Variants in TWIST2 observed in about 807,000 individuals in gnomAD.
TWIST2 encodes twist-related protein 2.
TWIST2 carries 1 observed loss-of-function variant against 11.6 expected under a neutral mutation model. The observed-to-expected ratio is 0.09, with a 90% CI of 0.03 to 0.41. TWIST2 has a LOEUF of 0.41. Among genes scored for constraint, TWIST2 ranks in the 10% least tolerant of loss-of-function variants. TWIST2 has a pLI of 0.98. For synonymous variants in TWIST2, 87 were observed against 96.6 expected (o/e 0.90, Z 0.58); for missense variants, 168 against 226.4 (o/e 0.74, Z 1.66).
At chr2:238,849,394 C>T (rs1044304896) in intron 1 of TWIST2, among the ~76,000 whole-genome samples, 1 of 152,160 alleles carries the variant, frequency 6.6e-6, no homozygotes, top group Non-Finnish European at 1.5e-5. Flanking sequence ...GCCACAGGGC[C>T]GGGTGTGCCC....
intron 1 of TWIST2, among the ~76,000 whole-genome samples, chr2:238,896,749 G>A (rs1045676122): frequency 2.2e-4 from 33 of 152,158 alleles, no homozygotes; most frequent in Non-Finnish European, 3.7e-4. Context: ...GGGGCCAGCC[G>A]CTGCCACACA....
chr2:238,890,696 G>A (rs1036438988), intron 1 of TWIST2, among the ~76,000 whole-genome samples: 3 of 152,266 alleles, frequency 2.0e-5, no homozygotes, highest in South Asian at 2.1e-4. Flanking sequence ...CAGGAATGCC[G>A]AATTTTTAAA....
At chr2:238,871,171 A>AC (rs1472052848) in intron 1 of TWIST2, among the ~76,000 whole-genome samples, 9 of 25,310 alleles carry the variant, frequency 3.6e-4, no homozygotes, top group African/African-American at 5.1e-4. Context: ...CCCCACACAC[A>AC]CACCACACAC....
At chr2:238,904,604 G>T (rs1035948707) in intron 1 of TWIST2, among the ~76,000 whole-genome samples, 9,026 of 152,064 alleles carry the variant, frequency 0.059, 393 homozygotes, top group East Asian at 0.16. Context: ...CCCTTTCTGT[G>T]GTAGAGTCTA....
chr2:238,870,531 A>G lies in TWIST2; in HGVS notation c.*35+21798A>G, dbSNP rs1478973554. Among the ~76,000 whole-genome samples, 3 of 95,484 alleles carry G rather than the reference A, an allele frequency of 3.1e-5. No individual in the cohort carries two copies. The South Asian group carries it at 1.1e-3, about 36-fold the overall frequency. The allele number at this position is 95,484 out of a possible 152,430, so 62.6% of individuals were successfully genotyped here. ...ATCACATACCACACACAAACCACAC[A>G]CCCTACATACCCCACACACCCCACA... On this transcript the variant is annotated intron_variant, in intron 1 of 1. Transcript: ENST00000612363.
chr2:238,853,660 T>G (rs1456688148), intron 1 of TWIST2, among the ~76,000 whole-genome samples: 1 of 152,230 alleles, frequency 6.6e-6, no homozygotes, highest in Non-Finnish European at 1.5e-5. Context: ...TTTAAGCTCT[T>G]GTAAACTGAG....
chr2:238,858,896 C>T (rs1692377750), intron 1 of TWIST2, among the ~76,000 whole-genome samples: 1 of 152,168 alleles, frequency 6.6e-6, no homozygotes, highest in Admixed American at 6.5e-5. Flanking sequence ...CCCATTCGTA[C>T]AATGGAATGT....
rs368858471 is a variant in TWIST2, at chr2:238,862,969, TG to T, written c.*35+14238del. 4.4e-4 allele frequency among the ~76,000 whole-genome samples: 67 copies of T among 152,150 alleles called. No homozygotes were observed. The East Asian group carries it at 0.012, about 28-fold the overall frequency. Reference sequence around the variant, plus strand: ...GTGTGCATGCACGGGTGTGTTTGTCTGGAGAGACAGTGGCAAGAATGAATGT... The same window carrying T: ...GTGTGCATGCACGGGTGTGTTTGTCTGAGAGACAGTGGCAAGAATGAATGT... On this transcript the variant is annotated intron_variant, in intron 1 of 1. Coordinates refer to ENST00000612363, the MANE Select transcript of TWIST2 (RefSeq NM_001271893.4).
intron 1 of TWIST2, among the ~76,000 whole-genome samples, chr2:238,871,697 G>A (rs557135887): frequency 1.5e-5 from 2 of 132,094 alleles, no homozygotes; most frequent in African/African-American, 3.0e-5. Context: ...ACACACACAC[G>A]ATGGAATGTC....
chr2:238,909,157 G>GTGTATGTAGGTGTGTA (rs1693410419), intron 1 of TWIST2, among the ~76,000 whole-genome samples: 1 of 26,436 alleles, frequency 3.8e-5, no homozygotes, highest in Non-Finnish European at 9.4e-5. Flanking sequence ...TGTATGTGGT[G>GTGTATGTAGGTGTGTA]TGTAGTGTGG....
rs1387523294 is a variant in TWIST2 at position 238,891,324 on chromosome 2, C to T, written c.*36-18518C>T. ...GCTGTGCTTGTGAACGGCCTTCAGG[C>T]CCAGCGCCCTCACTGTGCCCAGTGG... On this transcript the variant is annotated intron_variant, in intron 1 of 1. Coordinates refer to ENST00000612363, the MANE Select transcript of TWIST2 (RefSeq NM_001271893.4). Among the ~76,000 whole-genome samples, 3 of 152,226 alleles carry T rather than the reference C, an allele frequency of 2.0e-5. No homozygotes were observed. The East Asian group carries it at 5.8e-4, about 29-fold the overall frequency.
chr2:238,882,027 CCTGT>C (rs1209717621), intron 1 of TWIST2, among the ~76,000 whole-genome samples: 4 of 151,856 alleles, frequency 2.6e-5, no homozygotes, highest in Non-Finnish European at 4.4e-5. Context: ...TCTCTGTGTC[CCTGT>C]CTGTCTGCCT....
At chr2:238,898,592 C>T (rs1381924647) in intron 1 of TWIST2, among the ~76,000 whole-genome samples, 2 of 152,340 alleles carry the variant, frequency 1.3e-5, no homozygotes, top group South Asian at 2.1e-4. Context: ...GCAATGTGGG[C>T]GAGAGCTCCT....
In TWIST2 at chr2:238,864,042, T is replaced by G. The variant is rs1692482703; in HGVS notation, c.*35+15309T>G. Among the ~76,000 whole-genome samples the G allele has an allele frequency of 6.6e-6, 1 of 152,136 alleles. No homozygotes were observed. Among genetic ancestry groups the G allele is most frequent in the Non-Finnish European group, 1.5e-5 (1 of 68,022 alleles). On this transcript the variant is annotated intron_variant, in intron 1 of 1. Transcript: ENST00000612363. The surrounding 1 kb of genome is among the most constrained non-coding windows in gnomAD (Gnocchi z 4.7). The stretch of plus-strand genomic sequence containing the variant: ...TTCAGATTCTTCGCCATAATCTAAT[T>G]TTCGTTAAGCCTGTCTTCCTTTACA...
chr2:238,879,476 C>T (rs1276770142), intron 1 of TWIST2, among the ~76,000 whole-genome samples: 1 of 152,206 alleles, frequency 6.6e-6, no homozygotes, highest in East Asian at 1.9e-4. Flanking sequence ...CCAGCCGGGA[C>T]TACCTGGCCA....
At chr2:238,870,147 CA>C (rs1247629980) in intron 1 of TWIST2, among the ~76,000 whole-genome samples, 1 of 142,050 alleles carries the variant, frequency 7.0e-6, no homozygotes, top group Admixed American at 7.1e-5. Flanking sequence ...ACACCCCATA[CA>C]CACCACACCC....
intron 1 of TWIST2, among the ~76,000 whole-genome samples, chr2:238,870,315 A>C (rs930722059): frequency 0.02 from 1 of 50 alleles, no homozygotes; most frequent in East Asian, 0.17. Context: ...CACCCCACAC[A>C]CCCCCACACA....
rs889052380 is a variant in TWIST2, at chr2:238,864,530, C to T, written c.*35+15797C>T. 2.0e-5 allele frequency among the ~76,000 whole-genome samples: 3 copies of T among 151,846 alleles called. No homozygotes were observed. The highest frequency in any genetic ancestry group is 3.9e-4 in the East Asian group (2 of 5,102). On this transcript the variant is annotated intron_variant, in intron 1 of 1. Coordinates refer to ENST00000612363, the MANE Select transcript of TWIST2 (RefSeq NM_001271893.4). This position sits in a 1 kb window ranked among gnomAD's most constrained non-coding sequence, Gnocchi z 4.7. The stretch of plus-strand genomic sequence containing the variant: ...GGAGGCGGCTCCCAGTTCCAAGGCG[C>T]GCCCCACCCGGCCCCCAGGCCAGGT...
intron 1 of TWIST2, among the ~76,000 whole-genome samples, chr2:238,881,670 G>A (rs1692937707): frequency 6.6e-6 from 1 of 152,106 alleles, no homozygotes; most frequent in South Asian, 2.1e-4. Context: ...GGGCTGGGCT[G>A]GTGTCCTGGG....
Sources: gnomAD v4.1 joint callset for allele counts (sites outside exome capture counted in the v4.1 genomes callset) on GRCh38, gnomAD v4.1.1 for gene constraint, Gnocchi (gnomAD v3.1) non-coding constraint, MANE v1.5 for transcripts, NCBI Gene and HGNC (gene_info 2026-07-23, HGNC 2026-07-21) for gene names.